PALS2: variants seen among roughly 807,000 people sequenced by gnomAD.
The protein encoded by PALS2 is protein associated with LIN7 2, MAGUK p55 family member.
Under a neutral mutation model 61.6 loss-of-function variants are expected in PALS2, and 27 were observed. The ratio of observed to expected loss-of-function variants is 0.44; its 90% CI spans 0.32 to 0.60. PALS2 has a LOEUF of 0.60. Among genes scored for constraint, PALS2 ranks in the 20% least tolerant of loss-of-function variants. PALS2 has a pLI of 0.05. For missense variants in PALS2, 554 were observed against 639.4 expected, an observed-to-expected ratio of 0.87 and a Z score of 1.44; for synonymous variants, 236 against 218.6, an observed-to-expected ratio of 1.08 and a Z score of -0.70.
chr7:24,623,895 A>C, intron 2 of PALS2, 111 bp downstream of exon 2: 1 of 987,986 alleles, frequency 1.0e-6, no homozygotes. Context: ...AGGTTTAGTT[A>C]GCAAATAAAA....
intron 2 of PALS2, among the ~76,000 whole-genome samples, chr7:24,641,146 A>C (rs991034177): frequency 3.9e-5 from 6 of 152,000 alleles, no homozygotes; most frequent in African/African-American, 1.4e-4. Context: ...TCCCTGATTA[A>C]ATTATATAGT....
chr7:24,601,764 G>T (rs1244113271), intron 1 of PALS2, among the ~76,000 whole-genome samples: 1 of 152,036 alleles, frequency 6.6e-6, no homozygotes, highest in African/African-American at 2.4e-5. Flanking sequence ...AATTCCTGGG[G>T]GAAATGTTTT....
intron 9 of PALS2, among the ~76,000 whole-genome samples, chr7:24,675,852 AC>A (rs1255919586): frequency 7.8e-6 from 1 of 128,038 alleles, no homozygotes; most frequent in African/African-American, 3.8e-5. Context: ...CAATAAACAT[AC>A]GTGTGCATGT....
intron 1 of PALS2, among the ~76,000 whole-genome samples, chr7:24,607,573 ATGTGTGTATATATACATATATG>A (rs781689826): frequency 0.062 from 8,624 of 138,824 alleles, 280 homozygotes; most frequent in African/African-American, 0.088. Context: ...ATATACATAT[ATGTGTGTATATATACATATATG>A]TGTGTGTATA....
chr7:24,605,480 T>C (rs368081416), intron 1 of PALS2, among the ~76,000 whole-genome samples: 1 of 152,202 alleles, frequency 6.6e-6, no homozygotes, highest in Non-Finnish European at 1.5e-5. Context: ...ATATTACTTA[T>C]ATAAATACAG....
chr7:24,650,936 C>G (rs994249671), intron 5 of PALS2, among the ~76,000 whole-genome samples: 2 of 151,968 alleles, frequency 1.3e-5, no homozygotes, highest in African/African-American at 2.4e-5. Flanking sequence ...CACCAGGAAC[C>G]CTGGCATAAT....
intron 2 of PALS2, among the ~76,000 whole-genome samples, chr7:24,625,546 C>G (rs1195983815): frequency 3.3e-5 from 5 of 152,204 alleles, no homozygotes; most frequent in Non-Finnish European, 7.3e-5. Flanking sequence ...GCCATGTGTT[C>G]TATCATCAAA....
Position 24,573,595 on chromosome 7 carries a change from T to G in PALS2, c.-3+2T>G. The G allele has an allele frequency of 1.1e-5, 4 of 365,472 alleles. No individual in the cohort carries two copies. Among genetic ancestry groups the G allele is most frequent in the Admixed American group, 4.7e-5 (1 of 21,290 alleles). 22.6% of individuals were successfully genotyped at this position (365,472 alleles called of 1,614,324 possible). The stretch of plus-strand genomic sequence containing the variant: ...CGGAGGCGGCTGAGGTGCGAGCCGG[T>G]GAGTTAACTGGACCCCCACGCCGCT... On this transcript the variant is annotated splice_donor_variant, in intron 1 of 11. Transcript: ENST00000222644. LOFTEE classifies it low-confidence loss of function (5UTR_SPLICE). The surrounding 1 kb of genome is among the most constrained non-coding windows in gnomAD (Gnocchi z 5.3).
rs913021771 is a variant in PALS2 at position 24,690,688 on chromosome 7, C to T, written c.*3074C>T. The T allele has an allele frequency of 2.6e-5, 4 of 152,102 alleles. No individual in the cohort carries two copies. Among genetic ancestry groups the T allele is most frequent in the Admixed American group, 6.5e-5 (1 of 15,274 alleles). 9.4% of individuals were successfully genotyped at this position (152,102 alleles called of 1,614,324 possible). On this transcript the variant is annotated 3_prime_UTR_variant, in exon 12 of 12. Transcript: ENST00000222644. ...ATTTTCACTTTCATTACAGCCATGC[C>T]TTTATTATGCAGTCTCCATTTCTGT...
chr7:24,643,860 C>G (rs180969097), intron 3 of PALS2, among the ~76,000 whole-genome samples: 14 of 152,040 alleles, frequency 9.2e-5, no homozygotes, highest in Non-Finnish European at 2.1e-4. Flanking sequence ...TTAAGTGATA[C>G]GATGCAACAT....
Position 24,641,703 on chromosome 7 carries a change from C to CT in PALS2, c.118-11dup, listed in dbSNP as rs1207792351. On this transcript the variant is annotated splice_polypyrimidine_tract_variant and intron_variant, in intron 2 of 11. Coordinates refer to ENST00000222644, the MANE Select transcript of PALS2 (RefSeq NM_001303037.2). ...ATAAGTATTACTACTTTAATATACT[C>CT]TTATTTTTTCAGGCTCATGAGAGGC... The CT allele has an allele frequency of 3.8e-6, 6 of 1,581,362 alleles. No homozygotes were observed.
chr7:24,624,952 T>C (rs1046440181), intron 2 of PALS2, among the ~76,000 whole-genome samples: 25 of 152,148 alleles, frequency 1.6e-4, no homozygotes, highest in African/African-American at 5.3e-4. Context: ...TAAAATCACA[T>C]GGTATAAAGG....
chr7:24,663,769 CT>C, intron 6 of PALS2, 48 bp downstream of exon 6: 1 of 1,550,014 alleles, frequency 6.5e-7, no homozygotes, highest in African/African-American at 1.4e-5. Flanking sequence ...TAATTTTAAT[CT>C]TAGATCTGAT....
rs991641822 is a variant in PALS2, at chr7:24,588,298, T to G, written c.-3+14705T>G. On this transcript the variant is annotated intron_variant, in intron 1 of 11. Coordinates refer to ENST00000222644, the MANE Select transcript of PALS2 (RefSeq NM_001303037.2). ...GATTCTTACTCTTTGTTTCATTGTG[T>G]TCTTATCTTAAGGGTATATCTTAGA... Among the ~76,000 whole-genome samples the G allele has an allele frequency of 4.6e-5, 7 of 152,328 alleles. No individual in the cohort carries two copies. In the East Asian group the frequency reaches 1.3e-3, roughly 29 times the overall value.
At chr7:24,604,098 C>T (rs957717203) in intron 1 of PALS2, among the ~76,000 whole-genome samples, 10 of 151,618 alleles carry the variant, frequency 6.6e-5, no homozygotes, top group Non-Finnish European at 1.2e-4. Context: ...GTAGTCCCAG[C>T]TACACAGGAG....
chr7:24,624,928 G>A (rs528240406), intron 2 of PALS2, among the ~76,000 whole-genome samples: 1 of 152,120 alleles, frequency 6.6e-6, no homozygotes, highest in African/African-American at 2.4e-5. Flanking sequence ...TTTTATTTAC[G>A]TGTTTACTTA....
chr7:24,654,968 G>C (rs1422490617), intron 5 of PALS2, among the ~76,000 whole-genome samples: 1 of 152,162 alleles, frequency 6.6e-6, no homozygotes, highest in East Asian at 1.9e-4. Flanking sequence ...TTATTCTAGG[G>C]ATACTGTTTG....
chr7:24,606,327 C>T (rs1236322600), intron 1 of PALS2, among the ~76,000 whole-genome samples: 1 of 152,036 alleles, frequency 6.6e-6, no homozygotes, highest in African/African-American at 2.4e-5. Context: ...GACACTGTGG[C>T]AATAAATGGA....
chr7:24,582,108 ACTC>A (rs1782868673), intron 1 of PALS2, among the ~76,000 whole-genome samples: 1 of 151,860 alleles, frequency 6.6e-6, no homozygotes, highest in Non-Finnish European at 1.5e-5. Context: ...ATGTTTTATG[ACTC>A]CTCAATTGTT....
Sources: gnomAD v4.1 joint callset for allele counts (sites outside exome capture counted in the v4.1 genomes callset) on GRCh38, gnomAD v4.1.1 for gene constraint, Gnocchi (gnomAD v3.1) non-coding constraint, MANE v1.5 for transcripts, NCBI Gene and HGNC (gene_info 2026-07-23, HGNC 2026-07-21) for gene names.